PRRX1: variants seen among roughly 807,000 people sequenced by gnomAD.
PRRX1 encodes paired mesoderm homeobox protein 1.
A neutral mutation model predicts 24.0 loss-of-function variants in PRRX1; 8 were observed. That is an observed-to-expected ratio of 0.33 (90% CI 0.20 to 0.60). PRRX1 has a LOEUF of 0.60. Among genes scored for constraint, PRRX1 ranks in the 20% least tolerant of loss-of-function variants. The probability of loss-of-function intolerance (pLI) is 0.82; values close to 1 mark genes in which losing one functional copy is unlikely to be tolerated. For synonymous variants in PRRX1, 160 were observed against 131.7 expected (o/e 1.22, Z -1.47); for missense variants, 281 against 322.4 (o/e 0.87, Z 0.98).
chr1:170,720,268 A>G (rs767213441), intron 2 of PRRX1, among the ~76,000 whole-genome samples: 5 of 152,118 alleles, frequency 3.3e-5, no homozygotes, highest in Admixed American at 1.3e-4. Flanking sequence ...ACAGAGTGAG[A>G]CCCTGACTCA....
chr1:170,687,268 T>A (rs1653777252), intron 1 of PRRX1, among the ~76,000 whole-genome samples: 1 of 152,170 alleles, frequency 6.6e-6, no homozygotes, highest in South Asian at 2.1e-4. Flanking sequence ...ACATTTACAG[T>A]CTGTTGAAAG....
Position 170,726,396 on chromosome 1 carries a change from G to A in PRRX1, c.594G>A (p.Pro198=). ...TDYLSWGTAS[P]YSAMATYSAT... ...ATCTCTCCTGGGGGACAGCGTCTCC[G>A]TACAGGTGAATGACTGGCCCACTCT... The change falls in exon 3 of 4, where the codon CCG becomes CCA. Residue 198 remains proline, a synonymous_variant. Coordinates refer to ENST00000239461, the MANE Select transcript of PRRX1 (RefSeq NM_022716.4). The A allele has an allele frequency of 1.2e-6, 2 of 1,613,804 alleles. No individual in the cohort carries two copies. Among genetic ancestry groups the A allele is most frequent in the Middle Eastern group, 1.7e-4 (1 of 6,044 alleles).
intron 1 of PRRX1, among the ~76,000 whole-genome samples, chr1:170,689,826 C>G (rs191439196): frequency 1.3e-3 from 106 of 79,790 alleles, no homozygotes; most frequent in African/African-American, 5.4e-3. Flanking sequence ...CTCTCTCTCT[C>G]TCTCTCTCTC....
chr1:170,707,212 C>A (rs1168431904), intron 1 of PRRX1, among the ~76,000 whole-genome samples: 1 of 152,052 alleles, frequency 6.6e-6, no homozygotes, highest in Non-Finnish European at 1.5e-5. Flanking sequence ...AAGAAGCTTT[C>A]TCCTCAAACT....
At chr1:170,725,960 A>C (rs867038403) in intron 2 of PRRX1, among the ~76,000 whole-genome samples, 2 of 152,160 alleles carry the variant, frequency 1.3e-5, no homozygotes, top group African/African-American at 4.8e-5. Flanking sequence ...TGGGTAAGTC[A>C]CAGATCCCAT....
In PRRX1 at chr1:170,738,725, G is replaced by A; in HGVS notation, c.*2539G>A. The A allele has an allele frequency of 4.4e-6, 1 of 228,476 alleles. No homozygotes were observed. The highest frequency in any genetic ancestry group is 6.3e-5 in the East Asian group (1 of 15,882). 14.2% of individuals were successfully genotyped at this position (228,476 alleles called of 1,614,324 possible). On this transcript the variant is annotated 3_prime_UTR_variant, in exon 4 of 4. Coordinates refer to ENST00000239461, the MANE Select transcript of PRRX1 (RefSeq NM_022716.4). ...TTTTACTGAGAAGGGGAAAACCTTAGATAGAGGGACATGTGAAACAAAATC... is the reference window on the plus strand; with the variant it reads ...TTTTACTGAGAAGGGGAAAACCTTAAATAGAGGGACATGTGAAACAAAATC...
At chr1:170,663,310 T>C (rs1329948693), upstream of PRRX1, 1 of 152,034 alleles carries the variant, frequency 6.6e-6, no homozygotes, top group East Asian at 1.9e-4. Flanking sequence ...GGGTCTCCAA[T>C]TTTCTTGTAT....
rs372691937 is a variant in PRRX1, at chr1:170,693,885, G to T, written c.242-25841G>T. On this transcript the variant is annotated intron_variant, in intron 1 of 3. Transcript: ENST00000239461. ...CTGCATAGTATACAACTCAGGCAAG[G>T]TTTGTGCCCACAAAGAAAAATGGTT... Among the ~76,000 whole-genome samples, 18 of 152,080 alleles carry T rather than the reference G, an allele frequency of 1.2e-4. No individual in the cohort carries two copies. The East Asian group carries it at 1.5e-3, about 13-fold the overall frequency.
At chr1:170,690,504 A>T (rs1653901999) in intron 1 of PRRX1, among the ~76,000 whole-genome samples, 1 of 152,112 alleles carries the variant, frequency 6.6e-6, no homozygotes, top group South Asian at 2.1e-4. Context: ...TGCGTATGAG[A>T]AAGTCAGTTG....
chr1:170,710,394 A>C (rs1050667197), intron 1 of PRRX1, among the ~76,000 whole-genome samples: 7 of 152,330 alleles, frequency 4.6e-5, no homozygotes, highest in African/African-American at 1.7e-4. Context: ...CTTGAGGGCT[A>C]ACATCACAGG....
chr1:170,668,827 T>C (rs1327715112), intron 1 of PRRX1: 1 of 152,166 alleles, frequency 6.6e-6, no homozygotes, highest in Non-Finnish European at 1.5e-5. Flanking sequence ...CAGTCTAAAT[T>C]TGAGCTTCAA....
At chr1:170,699,241 A>T (rs1021728738) in intron 1 of PRRX1, among the ~76,000 whole-genome samples, 1 of 152,182 alleles carries the variant, frequency 6.6e-6, no homozygotes, top group African/African-American at 2.4e-5. Context: ...TGCCAATTTC[A>T]GCACATAAAG....
chr1:170,709,405 C>A (rs374907472), intron 1 of PRRX1, among the ~76,000 whole-genome samples: 146 of 152,218 alleles, frequency 9.6e-4, no homozygotes, highest in African/African-American at 3.4e-3. Flanking sequence ...AGCAGTACAA[C>A]TAGAGTGGAG....
upstream of PRRX1, chr1:170,664,066 T>G: frequency 1.4e-6 from 1 of 740,428 alleles, no homozygotes; most frequent in Non-Finnish European, 2.1e-6. Context: ...TTGGCCTTCC[T>G]CTCCTTCCCT....
At chr1:170,711,796 C>A (rs1654761356) in intron 1 of PRRX1, among the ~76,000 whole-genome samples, 1 of 152,174 alleles carries the variant, frequency 6.6e-6, no homozygotes, top group South Asian at 2.1e-4. Context: ...AATTCCTAGT[C>A]AAATACCAGG....
At chr1:170,710,956 C>CA (rs1179382616) in intron 1 of PRRX1, among the ~76,000 whole-genome samples, 1 of 152,168 alleles carries the variant, frequency 6.6e-6, no homozygotes, top group Admixed American at 6.5e-5. Context: ...GCCAACAACC[C>CA]ATTTTACAGA....
At position 170,736,478 on chromosome 1, in the gene PRRX1, T is replaced by G. The variant is rs1448874047; in HGVS notation, c.*292T>G. ...TTAATGTACTCCAGGCTTCTTCAGCTAGGTTCAGCCCACCCACCCCCATGA... is the reference window on the plus strand; with the variant it reads ...TTAATGTACTCCAGGCTTCTTCAGCGAGGTTCAGCCCACCCACCCCCATGA... On this transcript the variant is annotated 3_prime_UTR_variant, in exon 4 of 4. Coordinates refer to ENST00000239461, the MANE Select transcript of PRRX1 (RefSeq NM_022716.4). 4.6e-6 allele frequency: 2 copies of G among 437,112 alleles called. No individual in the cohort carries two copies. Among genetic ancestry groups the G allele is most frequent in the Non-Finnish European group, 8.5e-6 (2 of 236,638 alleles). The allele number at this position is 437,112 out of a possible 1,614,324, so 27.1% of individuals were successfully genotyped here. A position where few individuals can be genotyped will look rare whatever the true frequency, so the allele number is the denominator to read the frequency against.
intron 1 of PRRX1, among the ~76,000 whole-genome samples, chr1:170,715,605 C>G (rs1293949041): frequency 6.6e-6 from 1 of 152,058 alleles, no homozygotes; most frequent in Admixed American, 6.6e-5. Context: ...AAATCATCTC[C>G]TATGATTGTG....
At chr1:170,691,924 G>A (rs1011592962) in intron 1 of PRRX1, among the ~76,000 whole-genome samples, 1 of 152,042 alleles carries the variant, frequency 6.6e-6, no homozygotes, top group Admixed American at 6.6e-5. Context: ...CTCTAAGCCT[G>A]CCTTATCAGC....
Sources: gnomAD v4.1 joint callset for allele counts (sites outside exome capture counted in the v4.1 genomes callset) on GRCh38, gnomAD v4.1.1 for gene constraint, MANE v1.5 for transcripts, NCBI Gene and HGNC (gene_info 2026-07-23, HGNC 2026-07-21) for gene names.